Variants in GK5 observed in about 807,000 individuals in gnomAD.
GK5 encodes glycerol kinase 5.
GK5 carries 39 observed loss-of-function variants against 77.3 expected under a neutral mutation model. The ratio of observed to expected loss-of-function variants is 0.50; its 90% CI spans 0.39 to 0.66. The LOEUF is 0.66. Ranked by LOEUF, GK5 falls within the 30% of genes least tolerant of loss-of-function variation. The pLI, the probability that GK5 is intolerant of heterozygous loss-of-function variation, is 0.00. For synonymous variants in GK5, 211 were observed against 208.0 expected (o/e 1.01, Z -0.13); for missense variants, 487 against 633.8 (o/e 0.77, Z 2.49).
chr3:142,222,699 G>A (rs951358902), intron 1 of GK5, among the ~76,000 whole-genome samples: 3 of 152,144 alleles, frequency 2.0e-5, no homozygotes, highest in Non-Finnish European at 4.4e-5. Flanking sequence ...CTTGAGCCCA[G>A]GAGTTCAAGG....
chr3:142,218,369 C>T, intron 1 of GK5, among the ~76,000 whole-genome samples: 1 of 106,072 alleles, frequency 9.4e-6, no homozygotes, highest in Admixed American at 1.1e-4. Flanking sequence ...TCCGTCTCTA[C>T]TAAAATACAA....
At chr3:142,220,795 G>C (rs778337603) in intron 1 of GK5, among the ~76,000 whole-genome samples, 31 of 152,318 alleles carry the variant, frequency 2.0e-4, no homozygotes, top group Non-Finnish European at 4.0e-4. Context: ...GCAAAGGGCA[G>C]AGATTCTAGG....
rs1268859130 is a variant in GK5, at chr3:142,204,727, C to T, written c.379G>A (p.Val127Ile). ...AGAAGAGAATTATTCCAAGATTTTA[C>T]AAGTTCAACAGCTCTTAAGTCTTGC... ...SWQDLRAVELVKSWNNSLLMK... is the reference protein window; with the variant it reads ...SWQDLRAVELIKSWNNSLLMK... Residue 127 changes from valine (V) to isoleucine (I), a missense_variant, in exon 4 of 16, where the codon GTA becomes ATA. Physicochemically the swap from Val to Ile is conservative, Grantham distance 29. Around this residue, in one of 4 missense-constraint regions of GK5, gnomAD observed 323 missense variants for 437.4 expected, o/e 0.74. Coordinates refer to ENST00000392993, the MANE Select transcript of GK5 (RefSeq NM_001039547.3). The T allele has an allele frequency of 1.3e-6, 2 of 1,580,240 alleles. No homozygotes were observed. The highest frequency in any genetic ancestry group is 1.7e-6 in the Non-Finnish European group (2 of 1,151,390).
chr3:142,194,096 G>A (rs371767330), intron 5 of GK5, among the ~76,000 whole-genome samples: 6 of 151,886 alleles, frequency 4.0e-5, no homozygotes, highest in African/African-American at 9.7e-5. Flanking sequence ...ATAGAAACAC[G>A]ATTTTTAGCT....
intron 11 of GK5, among the ~76,000 whole-genome samples, chr3:142,180,301 T>C (rs1011510708): frequency 1.3e-5 from 2 of 151,112 alleles, no homozygotes; most frequent in African/African-American, 4.9e-5. Context: ...TCCCTCTTTC[T>C]TTTTTCTTTT....
At chr3:142,176,630 C>G (rs2063616036) in intron 12 of GK5, among the ~76,000 whole-genome samples, 1 of 151,012 alleles carries the variant, frequency 6.6e-6, no homozygotes, top group Admixed American at 6.6e-5. Flanking sequence ...CAATACTCCA[C>G]CACAACAATT....
chr3:142,218,311 T>C (rs759859114), intron 1 of GK5, among the ~76,000 whole-genome samples: 9 of 150,576 alleles, frequency 6.0e-5, no homozygotes, highest in Non-Finnish European at 1.2e-4. Flanking sequence ...GGCGGGCATA[T>C]TGTCTGAGCT....
intron 2 of GK5, among the ~76,000 whole-genome samples, chr3:142,215,061 T>C (rs1456244335): frequency 6.6e-6 from 1 of 152,216 alleles, no homozygotes. Context: ...AAGTAATCTT[T>C]GCCATGTTCT....
chr3:142,207,051 T>G (rs575967957), intron 3 of GK5, among the ~76,000 whole-genome samples: 35 of 152,324 alleles, frequency 2.3e-4, no homozygotes, highest in African/African-American at 7.9e-4. Context: ...AATGCCAGGT[T>G]GGACTGCCAG....
chr3:142,209,019 G>A (rs1186726696), intron 3 of GK5, among the ~76,000 whole-genome samples: 1 of 152,050 alleles, frequency 6.6e-6, no homozygotes, highest in Non-Finnish European at 1.5e-5. Context: ...CGCGGTGGCG[G>A]GCACCTGTAG....
Position 142,159,853 on chromosome 3 carries a change from C to CTCTCTCTCTTTTTTTTTT in GK5, c.*5768_*5769insAAAAAAAAAAGAGAGAGA, listed in dbSNP as rs1553825247. 15 of 106,120 alleles carry CTCTCTCTCTTTTTTTTTT rather than the reference C, an allele frequency of 1.4e-4. No homozygotes were observed. The highest frequency in any genetic ancestry group is 2.1e-4 in the Non-Finnish European group (11 of 53,068). The allele number at this position is 106,120 out of a possible 1,614,324, so 6.6% of individuals were successfully genotyped here. On this transcript the variant is annotated 3_prime_UTR_variant, in exon 16 of 16. Coordinates refer to ENST00000392993, the MANE Select transcript of GK5 (RefSeq NM_001039547.3). ...TTTCTCTCTCTCTCTCTCTCTCTCT[C>CTCTCTCTCTTTTTTTTTT]TTTTTTTTTTTTGAGACAGAGTCTC...
intron 5 of GK5, among the ~76,000 whole-genome samples, chr3:142,192,562 G>A (rs1186570549): frequency 1.3e-5 from 2 of 152,090 alleles, no homozygotes; most frequent in South Asian, 2.1e-4. Context: ...TCGGGAGGTC[G>A]AGAGCAGCCT....
chr3:142,201,517 T>C (rs1418513693), intron 4 of GK5, among the ~76,000 whole-genome samples: 1 of 152,130 alleles, frequency 6.6e-6, no homozygotes, highest in Admixed American at 6.5e-5. Flanking sequence ...GAGTGGTAGA[T>C]ATAGTTACAG....
Position 142,224,427 on chromosome 3 carries a change from C to T in GK5, c.147+882G>A, listed in dbSNP as rs531707154. Among the ~76,000 whole-genome samples the T allele has an allele frequency of 2.9e-3, 438 of 152,088 alleles. 1 individual carries two copies. The highest frequency in any genetic ancestry group is 4.5e-3 in the Non-Finnish European group (309 of 67,986). On this transcript the variant is annotated intron_variant, in intron 1 of 15. Transcript: ENST00000392993. The stretch of plus-strand genomic sequence containing the variant: ...CCCTGTCTCAAAAGAAAAAAAGGAA[C>T]AACAATAAGAACACCATAACAAATA...
chr3:142,193,401 A>T (rs1237175259), intron 5 of GK5, among the ~76,000 whole-genome samples: 1 of 151,696 alleles, frequency 6.6e-6, no homozygotes, highest in Non-Finnish European at 1.5e-5. Flanking sequence ...GAGTTTTCCC[A>T]TACTGTTCCT....
intron 1 of GK5, among the ~76,000 whole-genome samples, chr3:142,223,830 T>A (rs1560242842): frequency 1.3e-5 from 2 of 151,324 alleles, no homozygotes; most frequent in African/African-American, 4.9e-5. Flanking sequence ...AGAGCGAGAC[T>A]CCGTCTAAAA....
rs529118334 is a variant in GK5 at position 142,191,941 on chromosome 3, T to C, written c.544-4162A>G. Among the ~76,000 whole-genome samples, 3 of 152,214 alleles carry C rather than the reference T, an allele frequency of 2.0e-5. No individual in the cohort carries two copies. In the East Asian group the frequency reaches 5.8e-4, roughly 29 times the overall value. The stretch of plus-strand genomic sequence containing the variant: ...GAGCCCATGAGTTTTGAGGCTATAA[T>C]GAGCCACGATCATGCCACTGCACCC... On this transcript the variant is annotated intron_variant, in intron 5 of 15. Transcript: ENST00000392993.
chr3:142,159,923 C>G lies in GK5; in HGVS notation c.*5699G>C, dbSNP rs1421143043. 6.6e-6 allele frequency: 1 copy of G among 150,884 alleles called. No individual in the cohort carries two copies. The highest frequency in any genetic ancestry group is 1.5e-5 in the Non-Finnish European group (1 of 67,966). The allele number at this position is 150,884 out of a possible 1,614,324, so 9.3% of individuals were successfully genotyped here. A position where few individuals can be genotyped will look rare whatever the true frequency, so the allele number is the denominator to read the frequency against. On this transcript the variant is annotated 3_prime_UTR_variant, in exon 16 of 16. Transcript: ENST00000392993. ...AATGCAGTGGCCCAATCTCGGCTCA[C>G]TGCAACCTCCACGTCCCGGGTTCAA...
At position 142,159,847 on chromosome 3, in the gene GK5, C is replaced by CTTTTTTTTTTTTTTTTTT. The variant is rs1407448771; in HGVS notation, c.*5774_*5775insAAAAAAAAAAAAAAAAAA. On this transcript the variant is annotated 3_prime_UTR_variant, in exon 16 of 16. Transcript: ENST00000392993. ...TGGGGCTTTCTCTCTCTCTCTCTCTCTCTCTCTTTTTTTTTTTTGAGACAG... is the reference window on the plus strand; with the variant it reads ...TGGGGCTTTCTCTCTCTCTCTCTCTCTTTTTTTTTTTTTTTTTTTCTCTCTTTTTTTTTTTTGAGACAG... 25 of 103,198 alleles carry CTTTTTTTTTTTTTTTTTT rather than the reference C, an allele frequency of 2.4e-4. 1 individual carries two copies. The highest frequency in any genetic ancestry group is 9.5e-4 in the African/African-American group (24 of 25,186). The allele number at this position is 103,198 out of a possible 1,614,324, so 6.4% of individuals were successfully genotyped here. A position where few individuals can be genotyped will look rare whatever the true frequency, so the allele number is the denominator to read the frequency against.
Sources: allele counts gnomAD v4.1 joint callset (sites outside exome capture counted in the v4.1 genomes callset), GRCh38; gene constraint gnomAD v4.1.1; regional missense constraint gnomAD v4.1.1; transcripts MANE v1.5; gene names NCBI Gene and HGNC (gene_info 2026-07-23, HGNC 2026-07-21).